PUM1: variants seen among roughly 807,000 people sequenced by gnomAD.
PUM1 encodes the protein pumilio RNA binding family member 1.
Under a neutral mutation model 131.8 loss-of-function variants are expected in PUM1, and 13 were observed. The observed-to-expected ratio is 0.10, with a 90% CI of 0.06 to 0.16. The LOEUF (loss-of-function observed/expected upper bound fraction) is 0.16, where lower values mean the gene tolerates loss of function less well. Among genes scored for constraint, PUM1 ranks in the 10% least tolerant of loss-of-function variants. PUM1 has a pLI of 1.00. For missense variants in PUM1, 961 were observed against 1,512.4 expected, an observed-to-expected ratio of 0.64 and a Z score of 6.05; for synonymous variants, 509 against 556.5, an observed-to-expected ratio of 0.91 and a Z score of 1.20.
chr1:31,053,992 A>G (rs1644173848), intron 2 of PUM1, among the ~76,000 whole-genome samples: 1 of 149,208 alleles, frequency 6.7e-6, no homozygotes, highest in Non-Finnish European at 1.5e-5. Flanking sequence ...TACTGGGGAG[A>G]CTGAGGCAGG....
chr1:30,988,737 T>A (rs1031258688), intron 7 of PUM1, among the ~76,000 whole-genome samples: 3 of 152,184 alleles, frequency 2.0e-5, no homozygotes, highest in Non-Finnish European at 2.9e-5. Context: ...TCTACTCTCT[T>A]CAGCCTAGGA....
In PUM1 at chr1:30,933,314, T is replaced by C; in HGVS notation, c.3464A>G (p.Lys1155Arg). Residue 1155 changes from lysine (K) to arginine (R), a missense_variant, in exon 22 of 22, where the codon AAG becomes AGG. By Grantham distance (26) the Lys-to-Arg change is conservative. Transcript: ENST00000426105. The part of the protein sequence containing the change: ...KIRPHIATLR[K>R]YTYGKHILAK... ...CAGAATGTGCTTGCCATAGGTGTAC[T>C]TACGAAGAGTTGCGATGTGGGGCCG... The C allele has an allele frequency of 6.2e-7, 1 of 1,613,912 alleles. No individual in the cohort carries two copies. Among genetic ancestry groups the C allele is most frequent in the African/African-American group, 1.3e-5 (1 of 75,046 alleles).
chr1:31,004,013 C>T (rs1303369031), intron 5 of PUM1, among the ~76,000 whole-genome samples: 2 of 152,152 alleles, frequency 1.3e-5, no homozygotes, highest in Non-Finnish European at 2.9e-5. Context: ...TTATGCATAC[C>T]TCAGCAGCTC....
intron 5 of PUM1, among the ~76,000 whole-genome samples, chr1:30,995,705 C>T (rs1641958868): frequency 6.6e-6 from 1 of 152,160 alleles, no homozygotes; most frequent in Non-Finnish European, 1.5e-5. Context: ...TCCTCCCTTA[C>T]TTCTAAATAT....
At chr1:31,052,164 C>G (rs1455636954) in intron 2 of PUM1, among the ~76,000 whole-genome samples, 2 of 151,970 alleles carry the variant, frequency 1.3e-5, no homozygotes, top group Non-Finnish European at 2.9e-5. Flanking sequence ...AGGCGCCCAC[C>G]ACCACACCCG....
intron 1 of PUM1, among the ~76,000 whole-genome samples, chr1:31,062,590 A>C (rs1483272643): frequency 2.7e-5 from 4 of 149,474 alleles, no homozygotes; most frequent in Non-Finnish European, 5.9e-5. Context: ...ACTGCACTCC[A>C]GCCTGGACGA....
In PUM1 at chr1:31,020,642, G is replaced by T. The variant is rs547703674; in HGVS notation, c.432+8154C>A. 4.6e-5 allele frequency among the ~76,000 whole-genome samples: 7 copies of T among 152,170 alleles called. No individual in the cohort carries two copies. The South Asian group carries it at 1.0e-3, about 23-fold the overall frequency. The stretch of plus-strand genomic sequence containing the variant: ...AACAAAGAATACTCCACATCAAGAT[G>T]GGACCAAATACTCTAATAAACCCAC... On this transcript the variant is annotated intron_variant, in intron 3 of 21. Coordinates refer to ENST00000426105, the MANE Select transcript of PUM1 (RefSeq NM_001020658.2).
intron 3 of PUM1, 57 bp from the exon 4 acceptor site, chr1:31,007,159 C>A: frequency 7.7e-7 from 1 of 1,298,812 alleles, no homozygotes; most frequent in South Asian, 1.2e-5. Flanking sequence ...GAAAGTACAG[C>A]AGTCAACACT....
intron 10 of PUM1, chr1:30,973,140 TTA>T: frequency 5.9e-6 from 1 of 170,898 alleles, no homozygotes; most frequent in South Asian, 1.2e-4. Flanking sequence ...CTGAATTTCC[TTA>T]TATATATGGT....
chr1:31,005,448 G>T (rs1226628509), intron 5 of PUM1, among the ~76,000 whole-genome samples: 2 of 152,072 alleles, frequency 1.3e-5, no homozygotes, highest in Non-Finnish European at 2.9e-5. Flanking sequence ...TCGGGTATTG[G>T]CAAATCACTG....
intron 2 of PUM1, among the ~76,000 whole-genome samples, chr1:31,041,883 G>T (rs1269901328): frequency 6.6e-6 from 1 of 151,954 alleles, no homozygotes; most frequent in Non-Finnish European, 1.5e-5. Flanking sequence ...AAAAAAATGA[G>T]AAAGATAAAA....
chr1:30,995,487 C>CT (rs886580051), intron 5 of PUM1, among the ~76,000 whole-genome samples: 40 of 152,116 alleles, frequency 2.6e-4, no homozygotes, highest in African/African-American at 9.4e-4. Flanking sequence ...TTCTTCCTTC[C>CT]TTTTTTTTCT....
At chr1:30,994,087 A>C (rs770505821) in intron 6 of PUM1, among the ~76,000 whole-genome samples, 15 of 152,252 alleles carry the variant, frequency 9.9e-5, no homozygotes, top group Admixed American at 3.3e-4. Flanking sequence ...TAAATAAATA[A>C]AAATAATTTT....
chr1:30,983,192 A>G (rs986415043), intron 7 of PUM1, among the ~76,000 whole-genome samples: 2 of 152,382 alleles, frequency 1.3e-5, no homozygotes, highest in African/African-American at 4.8e-5. Flanking sequence ...TCCCTCCAAC[A>G]GGAGGCAGTC....
chr1:30,986,702 C>T (rs957118161), intron 7 of PUM1, among the ~76,000 whole-genome samples: 1 of 152,102 alleles, frequency 6.6e-6, no homozygotes, highest in Non-Finnish European at 1.5e-5. Flanking sequence ...AAAAACTTCA[C>T]CATAAGTAAA....
rs1404720690 is a variant in PUM1 at position 30,981,325 on chromosome 1, A to C, written c.1239T>G (p.His413Gln). Residue 413 changes from histidine to glutamine, a missense_variant, in exon 8 of 22, where the codon CAT (histidine) becomes CAG (glutamine). His to Gln is a conservative substitution (Grantham distance 24). Transcript: ENST00000426105. The part of the protein sequence containing the change: ...QQQQYALAAA[H>Q]QPHIGLAPAA... ...TTAAGGACTTACCGATGTGCGGCTGATGAGCAGCTGCCAGTGCATACTGCT... is the reference window on the plus strand; with the variant it reads ...TTAAGGACTTACCGATGTGCGGCTGCTGAGCAGCTGCCAGTGCATACTGCT... 14 of 1,595,474 alleles carry C rather than the reference A, an allele frequency of 8.8e-6. No individual in the cohort carries two copies. Among genetic ancestry groups the C allele is most frequent in the Non-Finnish European group, 1.1e-5 (13 of 1,167,896 alleles).
chr1:30,953,660 C>CA, intron 15 of PUM1, 54 bp downstream of exon 15: 1 of 1,596,706 alleles, frequency 6.3e-7, no homozygotes, highest in Non-Finnish European at 8.6e-7. Context: ...TGAGCCAAGA[C>CA]AGTTAAGGCA....
chr1:31,045,757 T>C (rs911745670), intron 2 of PUM1, among the ~76,000 whole-genome samples: 1 of 152,052 alleles, frequency 6.6e-6, no homozygotes, highest in Non-Finnish European at 1.5e-5. Context: ...CTACTAAATC[T>C]AGTAAAACCA....
intron 2 of PUM1, among the ~76,000 whole-genome samples, chr1:31,046,659 C>A (rs1314203889): frequency 6.6e-6 from 1 of 151,652 alleles, no homozygotes; most frequent in Non-Finnish European, 1.5e-5. Flanking sequence ...AGGCACCTGC[C>A]ACCACACACA....
Sources: allele counts gnomAD v4.1 joint callset (sites outside exome capture counted in the v4.1 genomes callset), GRCh38; gene constraint gnomAD v4.1.1; transcripts MANE v1.5; gene names NCBI Gene and HGNC (gene_info 2026-07-23, HGNC 2026-07-21).